The following FBXO47 variants were observed in gnomAD, a reference collection of about 807,000 sequenced individuals.
FBXO47 encodes the protein F-box protein 47.
Under a neutral mutation model 53.9 loss-of-function variants are expected in FBXO47, and 34 were observed. The ratio of observed to expected loss-of-function variants is 0.63; its 90% CI spans 0.48 to 0.84. The LOEUF is 0.84. Ranked by LOEUF, FBXO47 falls within the 40% of genes least tolerant of loss-of-function variation. The probability of loss-of-function intolerance (pLI) is 0.00; values close to 1 mark genes in which losing one functional copy is unlikely to be tolerated. For synonymous variants in FBXO47, 165 were observed against 181.6 expected, an observed-to-expected ratio of 0.91 and a Z score of 0.73; for missense variants, 485 against 541.3, an observed-to-expected ratio of 0.90 and a Z score of 1.03.
At chr17:38,959,592 A>T (rs1015449677) in intron 3 of FBXO47, among the ~76,000 whole-genome samples, 4 of 150,822 alleles carry the variant, frequency 2.7e-5, no homozygotes, top group African/African-American at 9.8e-5. Context: ...AAAAAAAAAA[A>T]AAAAAAAAAA....
chr17:38,954,612 C>T (rs1905459954), intron 5 of FBXO47, among the ~76,000 whole-genome samples: 1 of 152,098 alleles, frequency 6.6e-6, no homozygotes, highest in Admixed American at 6.6e-5. Context: ...GAGTAACCTT[C>T]ATTCAGCATA....
intron 7 of FBXO47, among the ~76,000 whole-genome samples, chr17:38,944,705 A>G (rs1370587017): frequency 1.3e-5 from 2 of 149,058 alleles, no homozygotes; most frequent in Admixed American, 6.6e-5. Context: ...CGTCTCAAAA[A>G]AAAAAAAAAA....
intron 9 of FBXO47, among the ~76,000 whole-genome samples, chr17:38,942,117 A>G (rs1904537246): frequency 6.6e-6 from 1 of 152,124 alleles, no homozygotes; most frequent in African/African-American, 2.4e-5. Flanking sequence ...TTTACTCCCA[A>G]GTCCTCTCCC....
chr17:38,951,332 C>T (rs1192070156), intron 6 of FBXO47, among the ~76,000 whole-genome samples: 3 of 151,984 alleles, frequency 2.0e-5, no homozygotes, highest in Non-Finnish European at 4.4e-5. Flanking sequence ...GTAGCTGGGA[C>T]CACAGGCACA....
intron 6 of FBXO47, among the ~76,000 whole-genome samples, chr17:38,945,808 C>T (rs543115295): frequency 1.1e-4 from 17 of 150,520 alleles, no homozygotes; most frequent in Non-Finnish European, 1.9e-4. Context: ...TGATGGCGGG[C>T]GCCTGTAGTC....
In FBXO47 at chr17:38,937,145, C is replaced by A; in HGVS notation, c.*30G>T. 1 of 956,266 alleles carries A rather than the reference C, an allele frequency of 1.0e-6. No homozygotes were observed. Among genetic ancestry groups the A allele is most frequent in the African/African-American group, 1.7e-5 (1 of 59,464 alleles). The allele number at this position is 956,266 out of a possible 1,614,324, so 59.2% of individuals were successfully genotyped here. On this transcript the variant is annotated 3_prime_UTR_variant, in exon 11 of 11. Coordinates refer to ENST00000378079, the MANE Select transcript of FBXO47 (RefSeq NM_001008777.3). Reference sequence around the variant, plus strand: ...ACTCCTCTAATCATTCGTTCAGTGACGTTCTCTAAAGGCAAGGCTTTCTGA... The same window carrying A: ...ACTCCTCTAATCATTCGTTCAGTGAAGTTCTCTAAAGGCAAGGCTTTCTGA...
Position 38,951,654 on chromosome 17 carries a change from A to C in FBXO47, c.543T>G (p.His181Gln), listed in dbSNP as rs1354663016. ...LTAGWDELEC[H>Q]RVYNFLCELT... Reference sequence around the variant, plus strand: ...GTTCGCATAAGAAATTATAAACGCGATGGCACTCAAGTTCATCCCAACCTG... The same window carrying C: ...GTTCGCATAAGAAATTATAAACGCGCTGGCACTCAAGTTCATCCCAACCTG... The change falls in exon 6 of 11, where the codon CAT becomes CAG. Residue 181 changes from histidine to glutamine, a missense_variant. Transcript: ENST00000378079. The C allele has an allele frequency of 6.2e-7, 1 of 1,613,904 alleles. No homozygotes were observed. The highest frequency in any genetic ancestry group is 8.5e-7 in the Non-Finnish European group (1 of 1,179,968).
At chr17:38,966,925 A>G (rs916070082) in intron 1 of FBXO47, among the ~76,000 whole-genome samples, 1 of 151,974 alleles carries the variant, frequency 6.6e-6, no homozygotes, top group African/African-American at 2.4e-5. Context: ...CTATCCCACT[A>G]ATTTTGACCG....
Position 38,942,871 on chromosome 17 carries a change from T to G in FBXO47, c.990A>C (p.Leu330=). The G allele has an allele frequency of 6.2e-7, 1 of 1,613,700 alleles. No homozygotes were observed. The change falls in exon 9 of 11, where the codon CTA becomes CTC. Residue 330 remains leucine (L), a synonymous_variant. Transcript: ENST00000378079. ...AACTGAAACAGATGTTGTTTCCACT[T>G]AGCATTAGGAGACGTGCATTATTCT... ...LLENNARLLM[L]SGNNICFSFM... is the part of the protein sequence containing the mutation.
chr17:38,959,579 CAAAAAAAAAAAAA>C (rs749435702), intron 3 of FBXO47, among the ~76,000 whole-genome samples: 7 of 27,854 alleles, frequency 2.5e-4, no homozygotes, highest in Non-Finnish European at 5.7e-4. Flanking sequence ...GACTCTGCCT[CAAAAAAAAAAAAA>C]AAAAAAAAAA....
chr17:38,952,821 T>A (rs1905362639), intron 5 of FBXO47, among the ~76,000 whole-genome samples: 1 of 149,466 alleles, frequency 6.7e-6, no homozygotes, highest in Non-Finnish European at 1.5e-5. Flanking sequence ...ATGACTTTTT[T>A]TTTTTTTTTT....
intron 9 of FBXO47, among the ~76,000 whole-genome samples, chr17:38,942,197 T>C (rs1904541161): frequency 6.6e-6 from 1 of 152,110 alleles, no homozygotes; most frequent in South Asian, 2.1e-4. Context: ...GGAATTTTTT[T>C]TTAAAAAGAA....
chr17:38,945,377 A>G (rs1332777349), intron 6 of FBXO47, among the ~76,000 whole-genome samples: 1 of 152,186 alleles, frequency 6.6e-6, no homozygotes, highest in African/African-American at 2.4e-5. Context: ...TCAATCAATC[A>G]AAAGACATGC....
intron 3 of FBXO47, among the ~76,000 whole-genome samples, chr17:38,958,442 AT>A (rs1276842963): frequency 6.6e-6 from 1 of 151,014 alleles, no homozygotes; most frequent in Non-Finnish European, 1.5e-5. Flanking sequence ...TTAAGAATGT[AT>A]AAGATTTTGT....
At chr17:38,952,372 T>C (rs1429894193) in intron 5 of FBXO47, among the ~76,000 whole-genome samples, 1 of 152,086 alleles carries the variant, frequency 6.6e-6, no homozygotes, top group Non-Finnish European at 1.5e-5. Context: ...CTTATGAGTG[T>C]AACTGTTTTT....
intron 9 of FBXO47, among the ~76,000 whole-genome samples, chr17:38,939,323 A>AAATATATATATATATATAT (rs1555559726): frequency 2.0e-5 from 1 of 50,174 alleles, no homozygotes; most frequent in African/African-American, 7.5e-5. Flanking sequence ...AAAAAAAAAA[A>AAATATATATATATATATAT]ATATATATAT....
intron 1 of FBXO47, among the ~76,000 whole-genome samples, chr17:38,965,556 G>A (rs1232421036): frequency 6.6e-6 from 1 of 151,694 alleles, no homozygotes; most frequent in Non-Finnish European, 1.5e-5. Context: ...CTTAAATTAG[G>A]AGGTATTTTA....
intron 3 of FBXO47, 109 bp downstream of exon 3, chr17:38,961,768 A>C: frequency 1.1e-6 from 1 of 895,698 alleles, no homozygotes; most frequent in East Asian, 2.5e-5. Flanking sequence ...AGAAACAGGC[A>C]TATTTTGGAA....
intron 5 of FBXO47, among the ~76,000 whole-genome samples, chr17:38,952,993 T>C (rs1905373670): frequency 6.6e-6 from 1 of 151,576 alleles, no homozygotes; most frequent in South Asian, 2.1e-4. Context: ...AACACTTTCA[T>C]TGGCTGGGCA....
Sources: gnomAD v4.1 joint callset for allele counts (sites outside exome capture counted in the v4.1 genomes callset) on GRCh38, gnomAD v4.1.1 for gene constraint, MANE v1.5 for transcripts, NCBI Gene and HGNC (gene_info 2026-07-23, HGNC 2026-07-21) for gene names.